NENF: variants seen among roughly 807,000 people sequenced by gnomAD.
The protein encoded by NENF is neudesin neurotrophic factor, also known as neudesin.
A neutral mutation model predicts 14.8 loss-of-function variants in NENF; 6 were observed. That is an observed-to-expected ratio of 0.40 (90% CI 0.22 to 0.80). The LOEUF (loss-of-function observed/expected upper bound fraction) is 0.80. NENF is among the 30% of genes least tolerant of loss of function. NENF has a pLI of 0.34. For missense variants in NENF, 184 were observed against 212.7 expected (o/e 0.87, Z 0.84); for synonymous variants, 76 against 95.1 (o/e 0.80, Z 1.17).
At position 212,432,922 on chromosome 1, in the gene NENF, T is replaced by C. The variant is rs1662539484; in HGVS notation, c.-22T>C. ...GGGCCCCGCCGCCCTGGCCCGGCCT[T>C]GCCTTGCGCTGCGCGCTCACCATGG... On this transcript the variant is annotated 5_prime_UTR_variant, in exon 1 of 4. Transcript: ENST00000366988. 2 of 607,722 alleles carry C rather than the reference T, an allele frequency of 3.3e-6. No individual in the cohort carries two copies. Among genetic ancestry groups the C allele is most frequent in the Non-Finnish European group, 4.3e-6 (2 of 468,324 alleles). 37.6% of individuals were successfully genotyped at this position (607,722 alleles called of 1,614,324 possible).
Position 212,442,611 on chromosome 1 carries a change from T to A in NENF, c.224T>A (p.Val75Asp), listed in dbSNP as rs1396374775. The A allele has an allele frequency of 6.2e-7, 1 of 1,613,476 alleles. No homozygotes were observed. Reference sequence around the variant, plus strand: ...GCAGTGAAGGGAGTGGTGTTTGATGTCACCTCCGGAAAGGGTAAGTGGTGT... The same window carrying A: ...GCAGTGAAGGGAGTGGTGTTTGATGACACCTCCGGAAAGGGTAAGTGGTGT... ...YLAVKGVVFD[V>D]TSGKEFYGRG... The change falls in exon 2 of 4, where the codon GTC becomes GAC. Residue 75 changes from valine to aspartate, a missense_variant. By Grantham distance (152) the Val-to-Asp change is radical. Coordinates refer to ENST00000366988, the MANE Select transcript of NENF (RefSeq NM_013349.5).
intron 2 of NENF, among the ~76,000 whole-genome samples, chr1:212,442,934 G>T (rs1662720187): frequency 6.6e-6 from 1 of 151,948 alleles, no homozygotes; most frequent in South Asian, 2.1e-4. Context: ...GTAGAGACGG[G>T]GTTTCACCAT....
chr1:212,433,419 A>G lies in NENF; in HGVS notation c.177+299A>G, dbSNP rs1662553426. Among the ~76,000 whole-genome samples, 2 of 152,056 alleles carry G rather than the reference A, an allele frequency of 1.3e-5. No individual in the cohort carries two copies. The highest frequency in any genetic ancestry group is 2.9e-5 in the Non-Finnish European group (2 of 67,986). On this transcript the variant is annotated intron_variant, in intron 1 of 3. Coordinates refer to ENST00000366988, the MANE Select transcript of NENF (RefSeq NM_013349.5). The surrounding 1 kb of genome is among the most constrained non-coding windows in gnomAD (Gnocchi z 5.5). ...GCCTTTTCGTTGATGATCTGCGTAC[A>G]GACCTCAGAACTTTTTGGTTTTCAT...
At chr1:212,443,982 G>A (rs767693464) in intron 2 of NENF, among the ~76,000 whole-genome samples, 21 of 152,076 alleles carry the variant, frequency 1.4e-4, no homozygotes, top group Non-Finnish European at 2.6e-4. Flanking sequence ...AACCCGGGAG[G>A]TGGAGATTGC....
chr1:212,436,915 C>T (rs1662609065), intron 1 of NENF, among the ~76,000 whole-genome samples: 1 of 142,124 alleles, frequency 7.0e-6, no homozygotes, highest in Admixed American at 7.0e-5. Flanking sequence ...AACAAGACCT[C>T]ACCTCTACCA....
chr1:212,444,226 G>C (rs1010081095), intron 2 of NENF, 113 bp from the exon 3 acceptor site: 1 of 540,598 alleles, frequency 1.8e-6, no homozygotes, highest in South Asian at 4.0e-5. Context: ...CTCCGTGAGC[G>C]TGGAGTCTTT....
intron 1 of NENF, among the ~76,000 whole-genome samples, chr1:212,440,437 AATC>A (rs1166149898): frequency 6.6e-6 from 1 of 152,166 alleles, no homozygotes; most frequent in East Asian, 1.9e-4. Flanking sequence ...AAAGGCGGTA[AATC>A]ATCACAAAGA....
At chr1:212,445,107 T>C (rs532390098) in intron 3 of NENF, among the ~76,000 whole-genome samples, 6 of 152,012 alleles carry the variant, frequency 3.9e-5, no homozygotes, top group African/African-American at 1.4e-4. Context: ...ATACAAAAAT[T>C]AGCTGAGTGT....
In NENF at chr1:212,444,426, A is replaced by C; in HGVS notation, c.326A>C (p.Asp109Ala). 6.2e-7 allele frequency: 1 copy of C among 1,605,564 alleles called. No individual in the cohort carries two copies. Among genetic ancestry groups the C allele is most frequent in the Non-Finnish European group, 8.5e-7 (1 of 1,174,988 alleles). Residue 109 changes from aspartate to alanine, a missense_variant, in exon 3 of 4, where the codon GAC becomes GCC. By Grantham distance (126) the Asp-to-Ala change is moderately radical. Transcript: ENST00000366988. ...GCCAAGATGTCCTTGGATCCTGCAG[A>C]CCTCACCCATGACACTGTGAGCCAG... ...GVAKMSLDPA[D>A]LTHDTTGLTA...
Position 212,445,935 on chromosome 1 carries a change from G to A in NENF, c.448G>A (p.Glu150Lys). Residue 150 changes from glutamate (E) to lysine (K), a missense_variant, in exon 4 of 4, where the codon GAG becomes AAG. By Grantham distance (56) the Glu-to-Lys change is moderately conservative. Coordinates refer to ENST00000366988, the MANE Select transcript of NENF (RefSeq NM_013349.5). Reference protein sequence around the residue: ...VGYTARRILNEDGSPNLDFKP... With the variant: ...VGYTARRILNKDGSPNLDFKP... The stretch of plus-strand genomic sequence containing the variant: ...CTACACTGCCCGGAGAATTCTCAAT[G>A]AGGATGGCAGCCCTAACCTGGACTT... 1 of 1,614,206 alleles carries A rather than the reference G, an allele frequency of 6.2e-7. No homozygotes were observed. The highest frequency in any genetic ancestry group is 1.3e-5 in the African/African-American group (1 of 75,046).
chr1:212,436,333 C>T (rs1296474464), intron 1 of NENF, among the ~76,000 whole-genome samples: 5 of 117,222 alleles, frequency 4.3e-5, no homozygotes, highest in Admixed American at 1.1e-4. Context: ...TTTTTTGAGA[C>T]GGAGTCTTGC....
intron 2 of NENF, among the ~76,000 whole-genome samples, chr1:212,442,988 G>A (rs892726122): frequency 3.9e-5 from 6 of 152,020 alleles, no homozygotes; most frequent in South Asian, 2.1e-4. Flanking sequence ...TGATCCACCC[G>A]CTTCGGCCTC....
At chr1:212,441,911 C>T (rs552869279) in intron 1 of NENF, among the ~76,000 whole-genome samples, 24 of 152,226 alleles carry the variant, frequency 1.6e-4, no homozygotes, top group Middle Eastern at 3.4e-3. Flanking sequence ...CAGTCACATC[C>T]GTGTATGTCT....
At position 212,437,875 on chromosome 1, in the gene NENF, G is replaced by A. The variant is rs114110198; in HGVS notation, c.178-4690G>A. On this transcript the variant is annotated intron_variant, in intron 1 of 3. Transcript: ENST00000366988. ...TCGAATGCTTGCTGAAAATCTGGGC[G>A]GGGTGTGGTGGCTCACACCTGTAGT... Among the ~76,000 whole-genome samples, 1,269 of 152,228 alleles carry A rather than the reference G, an allele frequency of 8.3e-3. 5 individuals are homozygous for A. The highest frequency in any genetic ancestry group is 0.014 in the Non-Finnish European group (948 of 68,024).
In NENF at chr1:212,442,566, A is replaced by G. The variant is rs780846774; in HGVS notation, c.179A>G (p.Glu60Gly). Reference protein sequence around the residue: ...EELARYGGEEEDQPIYLAVKG... With the variant: ...EELARYGGEEGDQPIYLAVKG... Reference sequence around the variant, plus strand: ...CACAGCTTCTCCCCTGCTTTCTAGGAAGATCAGCCCATCTACTTGGCAGTG... The same window carrying G: ...CACAGCTTCTCCCCTGCTTTCTAGGGAGATCAGCCCATCTACTTGGCAGTG... The change falls in exon 2 of 4, where the codon GAA becomes GGA. Residue 60 changes from glutamate (E) to glycine (G), a missense_variant and splice_region_variant. Coordinates refer to ENST00000366988, the MANE Select transcript of NENF (RefSeq NM_013349.5). 4 of 1,612,712 alleles carry G rather than the reference A, an allele frequency of 2.5e-6. No individual in the cohort carries two copies. Among genetic ancestry groups the G allele is most frequent in the Non-Finnish European group, 1.7e-6 (2 of 1,178,866 alleles).
intron 1 of NENF, among the ~76,000 whole-genome samples, chr1:212,436,389 C>G (rs533603459): frequency 6.8e-6 from 1 of 148,124 alleles, no homozygotes; most frequent in East Asian, 2.0e-4. Context: ...CAGCTCACTG[C>G]AACCTCCGCC....
intron 1 of NENF, among the ~76,000 whole-genome samples, chr1:212,436,684 T>C (rs1002466395): frequency 4.6e-5 from 7 of 152,300 alleles, no homozygotes; most frequent in Middle Eastern, 3.4e-3. Context: ...AGCCAATTGA[T>C]TGTAGATGCA....
chr1:212,444,965 A>G (rs1399376099), intron 3 of NENF, among the ~76,000 whole-genome samples: 1 of 152,146 alleles, frequency 6.6e-6, no homozygotes, highest in Non-Finnish European at 1.5e-5. Flanking sequence ...GCATTAAAAC[A>G]TTTTTTAGGC....
chr1:212,439,466 C>A (rs1182031687), intron 1 of NENF, among the ~76,000 whole-genome samples: 3 of 150,568 alleles, frequency 2.0e-5, no homozygotes, highest in African/African-American at 4.9e-5. Flanking sequence ...TGCTTGAACC[C>A]GGGAGGCGGA....
Sources: gnomAD v4.1 joint callset for allele counts (sites outside exome capture counted in the v4.1 genomes callset) on GRCh38, gnomAD v4.1.1 for gene constraint, Gnocchi (gnomAD v3.1) non-coding constraint, MANE v1.5 for transcripts, NCBI Gene and HGNC (gene_info 2026-07-23, HGNC 2026-07-21) for gene names.